STT3B: variants seen among roughly 807,000 people sequenced by gnomAD.
STT3B encodes STT3 oligosaccharyltransferase complex catalytic subunit B.
STT3B carries 29 observed loss-of-function variants against 96.8 expected under a neutral mutation model. The observed-to-expected ratio is 0.30, with a 90% CI of 0.22 to 0.41. The LOEUF (loss-of-function observed/expected upper bound fraction) is 0.41. Ranked by LOEUF, STT3B falls within the 10% of genes least tolerant of loss-of-function variation. STT3B has a pLI of 1.00. For missense variants in STT3B, 640 were observed against 1,022.3 expected (o/e 0.63, Z 5.10); for synonymous variants, 367 against 360.0 (o/e 1.02, Z -0.22).
intron 8 of STT3B, among the ~76,000 whole-genome samples, chr3:31,618,846 A>G (rs1559388780): frequency 6.6e-6 from 1 of 152,100 alleles, no homozygotes; most frequent in Admixed American, 6.6e-5. Flanking sequence ...TTAAATTACT[A>G]GGTTAACTTG....
At chr3:31,568,360 T>C (rs1698057185) in intron 1 of STT3B, among the ~76,000 whole-genome samples, 1 of 152,188 alleles carries the variant, frequency 6.6e-6, no homozygotes. Flanking sequence ...TGATTTTCTT[T>C]CTTTGGATAT....
intron 15 of STT3B, among the ~76,000 whole-genome samples, chr3:31,634,958 C>T (rs113196927): frequency 5.3e-5 from 8 of 152,130 alleles, no homozygotes; most frequent in Non-Finnish European, 5.9e-5. Context: ...TTAGCAGTAG[C>T]TAATTTTTAG....
chr3:31,537,476 G>T (rs1435235579), intron 1 of STT3B, among the ~76,000 whole-genome samples: 1 of 152,126 alleles, frequency 6.6e-6, no homozygotes. Flanking sequence ...CAATTAAATT[G>T]TATGAATTTA....
At chr3:31,616,904 T>C (rs967802492) in intron 6 of STT3B, 25 bp from the exon 7 acceptor site, 2 of 1,575,428 alleles carry the variant, frequency 1.3e-6, no homozygotes, top group Non-Finnish European at 8.6e-7. Flanking sequence ...GCTTTGTTGA[T>C]TATGTGACCC....
intron 1 of STT3B, among the ~76,000 whole-genome samples, chr3:31,548,806 G>T (rs1697478619): frequency 6.6e-6 from 1 of 152,134 alleles, no homozygotes; most frequent in East Asian, 1.9e-4. Context: ...CGAGCACAAA[G>T]AAATTATTAT....
chr3:31,603,063 T>G (rs1698967253), intron 5 of STT3B, among the ~76,000 whole-genome samples: 1 of 152,150 alleles, frequency 6.6e-6, no homozygotes, highest in Non-Finnish European at 1.5e-5. Flanking sequence ...GTAACATCCT[T>G]TGTCTTTTGT....
intron 4 of STT3B, 31 bp from the exon 5 acceptor site, chr3:31,600,329 T>C (rs754979462): frequency 2.1e-6 from 2 of 972,662 alleles, no homozygotes; most frequent in East Asian, 2.5e-5. Flanking sequence ...AGTAAAAATA[T>C]ATATTTAACT....
intron 1 of STT3B, among the ~76,000 whole-genome samples, chr3:31,551,452 A>G (rs556604541): frequency 6.6e-6 from 1 of 152,118 alleles, no homozygotes; most frequent in Non-Finnish European, 1.5e-5. Context: ...CCTGGGCTCA[A>G]GTGATCCACC....
chr3:31,604,408 CAAACTT>C (rs1409923088), intron 5 of STT3B, among the ~76,000 whole-genome samples: 1 of 151,940 alleles, frequency 6.6e-6, no homozygotes, highest in South Asian at 2.1e-4. Context: ...TTAGAAAAAA[CAAACTT>C]AAAAAGATTG....
Position 31,617,103 on chromosome 3 carries a change from A to G in STT3B, c.1123+28A>G, listed in dbSNP as rs200367001. ...ACGTGTTATCACCTGTAGGGTGTGA[A>G]TATTGTCTATACAAACAATATAAGA... On this transcript the variant is annotated intron_variant, in intron 7 of 15. Coordinates refer to ENST00000295770, the MANE Select transcript of STT3B (RefSeq NM_178862.3). 2.7e-5 allele frequency: 41 copies of G among 1,504,028 alleles called. No homozygotes were observed. The Admixed American group carries it at 3.1e-4, about 11-fold the overall frequency. The allele number at this position is 1,504,028 out of a possible 1,614,324, so 93.2% of individuals were successfully genotyped here.
At chr3:31,537,514 G>C (rs139177281) in intron 1 of STT3B, among the ~76,000 whole-genome samples, 208 of 152,220 alleles carry the variant, frequency 1.4e-3, no homozygotes, top group Non-Finnish European at 2.2e-3. Flanking sequence ...CTCCCATTTC[G>C]GTTGAGTGTG....
chr3:31,555,027 C>A (rs757414062), intron 1 of STT3B, among the ~76,000 whole-genome samples: 5 of 152,082 alleles, frequency 3.3e-5, no homozygotes, highest in Non-Finnish European at 7.4e-5. Context: ...CACTGACTGG[C>A]CTCTCTGCCT....
Position 31,569,550 on chromosome 3 carries a change from C to A in STT3B, c.315-6846C>A, listed in dbSNP as rs187587951. On this transcript the variant is annotated intron_variant, in intron 1 of 15. Coordinates refer to ENST00000295770, the MANE Select transcript of STT3B (RefSeq NM_178862.3). ...TTTCAAATAAACCAAAAGTAAAAGACCATAATGAATTAAACTACCACCAAA... is the reference window on the plus strand; with the variant it reads ...TTTCAAATAAACCAAAAGTAAAAGAACATAATGAATTAAACTACCACCAAA... Among the ~76,000 whole-genome samples the A allele has an allele frequency of 4.6e-5, 7 of 152,150 alleles. No homozygotes were observed. The East Asian group carries it at 1.4e-3, about 29-fold the overall frequency.
intron 13 of STT3B, among the ~76,000 whole-genome samples, chr3:31,627,972 A>G (rs1200224234): frequency 6.6e-6 from 1 of 151,602 alleles, no homozygotes; most frequent in Non-Finnish European, 1.5e-5. Flanking sequence ...TGATTCAAAA[A>G]TAAAGTATAA....
rs550544395 is a variant in STT3B at position 31,628,306 on chromosome 3, C to T, written c.2074-992C>T. Reference sequence around the variant, plus strand: ...CTTCTAGCAAGTTATATACCCTGTTCACTTCATAATATGTCTTGGTGATTT... The same window carrying T: ...CTTCTAGCAAGTTATATACCCTGTTTACTTCATAATATGTCTTGGTGATTT... On this transcript the variant is annotated intron_variant, in intron 13 of 15. Transcript: ENST00000295770. 3.3e-5 allele frequency among the ~76,000 whole-genome samples: 5 copies of T among 152,198 alleles called. No homozygotes were observed. In the East Asian group the frequency reaches 5.8e-4, roughly 18 times the overall value.
At chr3:31,534,586 G>A (rs1697037875) in intron 1 of STT3B, among the ~76,000 whole-genome samples, 1 of 152,216 alleles carries the variant, frequency 6.6e-6, no homozygotes, top group East Asian at 1.9e-4. Context: ...TAACTATATA[G>A]ATAATAAGTG....
In STT3B at chr3:31,627,199, G is replaced by A. The variant is rs1699556435; in HGVS notation, c.2073+1072G>A. Among the ~76,000 whole-genome samples the A allele has an allele frequency of 2.0e-5, 3 of 152,174 alleles. No individual in the cohort carries two copies. In the South Asian group the frequency reaches 6.2e-4, roughly 32 times the overall value. On this transcript the variant is annotated intron_variant, in intron 13 of 15. Coordinates refer to ENST00000295770, the MANE Select transcript of STT3B (RefSeq NM_178862.3). ...CCACATAGCAGGAGGTAAGGGGCAG[G>A]TGAGCGATCATTGCCGCCTGAGCTC...
rs1189245780 is a variant in STT3B, at chr3:31,636,529, CAT to C, written c.*468_*469del. The stretch of plus-strand genomic sequence containing the variant: ...TAAACTAGTACAGGTCTGAGAAAGA[CAT>C]ATTAGAAGAATCATTATACTTCCTT... On this transcript the variant is annotated 3_prime_UTR_variant, in exon 16 of 16. Transcript: ENST00000295770. 6.6e-6 allele frequency: 1 copy of C among 152,486 alleles called. No individual in the cohort carries two copies. The highest frequency in any genetic ancestry group is 1.5e-5 in the Non-Finnish European group (1 of 68,252). 9.4% of individuals were successfully genotyped at this position (152,486 alleles called of 1,614,324 possible).
intron 3 of STT3B, among the ~76,000 whole-genome samples, chr3:31,586,177 C>G (rs372036868): frequency 6.6e-6 from 1 of 152,010 alleles, no homozygotes; most frequent in East Asian, 1.9e-4. Flanking sequence ...TTATGGCTTT[C>G]GTTTGCTTTT....
Sources: gnomAD v4.1 joint callset for allele counts (sites outside exome capture counted in the v4.1 genomes callset) on GRCh38, gnomAD v4.1.1 for gene constraint, MANE v1.5 for transcripts, NCBI Gene and HGNC (gene_info 2026-07-23, HGNC 2026-07-21) for gene names.